Variants in LRRC37A3 observed in about 807,000 individuals in gnomAD.
LRRC37A3 encodes the protein leucine rich repeat containing 37 member A3.
A neutral mutation model predicts 106.2 loss-of-function variants in LRRC37A3; 25 were observed. The ratio of observed to expected loss-of-function variants is 0.24; its 90% CI spans 0.17 to 0.33. LRRC37A3 has a LOEUF of 0.33. LRRC37A3 is among the 10% of genes least tolerant of loss of function. LRRC37A3 has a pLI of 1.00. For missense variants in LRRC37A3, 712 were observed against 1,644.9 expected (o/e 0.43, Z 9.81); for synonymous variants, 305 against 635.8 (o/e 0.48, Z 7.83).
At chr17:64,884,003 CAAGT>C (rs1409599571) in intron 8 of LRRC37A3, among the ~76,000 whole-genome samples, 2 of 119,238 alleles carry the variant, frequency 1.7e-5, no homozygotes, top group African/African-American at 6.8e-5. Context: ...TCAAGATAAG[CAAGT>C]TAGTGTCTCT....
At chr17:64,867,205 T>G in intron 10 of LRRC37A3, among the ~76,000 whole-genome samples, 1 of 140,832 alleles carries the variant, frequency 7.1e-6, no homozygotes, top group South Asian at 2.3e-4. Flanking sequence ...TATTTCTTAC[T>G]TTTTTTTTTA....
At chr17:64,879,048 C>T (rs1598412395) in intron 8 of LRRC37A3, among the ~76,000 whole-genome samples, 1 of 151,932 alleles carries the variant, frequency 6.6e-6, no homozygotes, top group East Asian at 1.9e-4. Flanking sequence ...AAACAACATG[C>T]TTCGTGAAAA....
intron 5 of LRRC37A3, among the ~76,000 whole-genome samples, chr17:64,890,265 C>G (rs1355748159): frequency 7.2e-6 from 1 of 138,240 alleles, no homozygotes; most frequent in Non-Finnish European, 1.5e-5. Context: ...GAGACAGGGT[C>G]TCACTCTGTT....
Position 64,896,062 on chromosome 17 carries a change from T to G in LRRC37A3, c.1196A>C (p.His399Pro). Residue 399 changes from histidine to proline, a missense_variant, in exon 4 of 15, where the codon CAC becomes CCC. Coordinates refer to ENST00000584306, the MANE Select transcript of LRRC37A3 (RefSeq NM_199340.5). ...TGAAGCTAAATGATGAGTTTGATGG[T>G]GACCTGGAGGTGAAACTGTGACTTC... ...HHEVTVSPPG[H>P]HQTHHLASPS... The G allele has an allele frequency of 6.6e-7, 1 of 1,524,264 alleles. No individual in the cohort carries two copies. The highest frequency in any genetic ancestry group is 9.0e-7 in the Non-Finnish European group (1 of 1,116,920). The allele number at this position is 1,524,264 out of a possible 1,614,324, so 94.4% of individuals were successfully genotyped here. A position where few individuals can be genotyped will look rare whatever the true frequency, so the allele number is the denominator to read the frequency against.
Position 64,909,754 on chromosome 17 carries a change from A to G in LRRC37A3, c.-496+8996T>C, listed in dbSNP as rs1234913288. On this transcript the variant is annotated intron_variant, in intron 2 of 14. Coordinates refer to ENST00000584306, the MANE Select transcript of LRRC37A3 (RefSeq NM_199340.5). Reference sequence around the variant, plus strand: ...CGGAAGCTGAAGCTTAACCAAAGACATTAATGTACGCCCACAAAAGAAACT... The same window carrying G: ...CGGAAGCTGAAGCTTAACCAAAGACGTTAATGTACGCCCACAAAAGAAACT... 4.6e-5 allele frequency: 7 copies of G among 152,390 alleles called. 1 individual carries two copies. In the East Asian group the frequency reaches 1.3e-3, roughly 29 times the overall value. 9.4% of individuals were successfully genotyped at this position (152,390 alleles called of 1,614,324 possible).
intron 2 of LRRC37A3, among the ~76,000 whole-genome samples, chr17:64,916,429 T>G (rs1464119213): frequency 2.0e-5 from 3 of 151,706 alleles, no homozygotes; most frequent in African/African-American, 4.9e-5. Context: ...TAAAATAAAA[T>G]AAAAGAAGAA....
intron 13 of LRRC37A3, among the ~76,000 whole-genome samples, chr17:64,858,195 A>C (rs1195861838): frequency 6.6e-6 from 1 of 152,206 alleles, no homozygotes; most frequent in African/African-American, 2.4e-5. Context: ...GGGCTAGAGT[A>C]TGAGATGTTC....
chr17:64,901,328 C>T (rs1177908174), intron 2 of LRRC37A3: 6 of 150,928 alleles, frequency 4.0e-5, no homozygotes, highest in African/African-American at 7.5e-5. Flanking sequence ...GGTGGGGGGT[C>T]GAAGTAAGTT....
chr17:64,869,315 G>A (rs575943418), intron 8 of LRRC37A3, 149 bp from the exon 9 acceptor site: 27 of 1,351,168 alleles, frequency 2.0e-5, no homozygotes, highest in South Asian at 1.3e-4. Flanking sequence ...ATTAGACTCC[G>A]TAAAGCACTA....
chr17:64,858,963 T>A (rs1271770985), intron 12 of LRRC37A3, 80 bp from the exon 13 acceptor site: 2 of 1,006,822 alleles, frequency 2.0e-6, no homozygotes, highest in Non-Finnish European at 3.0e-6. Context: ...GGTTCTTTTT[T>A]ATTTTTTTGA....
chr17:64,869,483 C>A lies in LRRC37A3; in HGVS notation c.2907-317G>T, dbSNP rs576408775. 2.4e-3 allele frequency among the ~76,000 whole-genome samples: 362 copies of A among 151,014 alleles called. 2 individuals are homozygous for A. Among genetic ancestry groups the A allele is most frequent in the Admixed American group, 3.8e-3 (57 of 15,152 alleles). On this transcript the variant is annotated intron_variant, in intron 8 of 14. Transcript: ENST00000584306. ...CTATGTTGGTAGGAAGCCCTGACTG[C>A]GGAGGAAACAGTATTTCTAGCAACC...
intron 14 of LRRC37A3, among the ~76,000 whole-genome samples, 186 bp downstream of exon 14, chr17:64,855,654 G>A (rs890552338): frequency 1.5e-4 from 23 of 151,528 alleles, no homozygotes; most frequent in East Asian, 1.9e-4. Context: ...TTAAAACGTC[G>A]CGAGACTAGT....
chr17:64,859,306 G>A, intron 12 of LRRC37A3, 136 bp downstream of exon 12: 2 of 978,782 alleles, frequency 2.0e-6, no homozygotes, highest in Non-Finnish European at 3.1e-6. Context: ...CAAAGTGGGA[G>A]ATCACTGTCA....
At chr17:64,866,204 A>T (rs1973065328) in intron 10 of LRRC37A3, among the ~76,000 whole-genome samples, 1 of 151,802 alleles carries the variant, frequency 6.6e-6, no homozygotes, top group Non-Finnish European at 1.5e-5. Context: ...ACTATCTTAG[A>T]GAACTAAGTG....
chr17:64,912,315 T>C (rs561155905), intron 2 of LRRC37A3, among the ~76,000 whole-genome samples: 2 of 122,832 alleles, frequency 1.6e-5, no homozygotes, highest in East Asian at 2.5e-4. Flanking sequence ...TAGATACATA[T>C]CTACATACAT....
At chr17:64,917,005 G>A (rs867453252) in intron 2 of LRRC37A3, among the ~76,000 whole-genome samples, 28 of 151,686 alleles carry the variant, frequency 1.8e-4, no homozygotes, top group Middle Eastern at 3.4e-3. Flanking sequence ...CAGCACTTTG[G>A]GAGGCCGAGG....
intron 8 of LRRC37A3, among the ~76,000 whole-genome samples, chr17:64,881,353 T>C (rs1026983248): frequency 1.0e-4 from 15 of 148,556 alleles, no homozygotes; most frequent in African/African-American, 3.3e-4. Flanking sequence ...AGTCAAGTGA[T>C]TCTCCTGCCT....
chr17:64,874,193 T>C (rs1331262710), intron 8 of LRRC37A3, among the ~76,000 whole-genome samples: 5 of 152,162 alleles, frequency 3.3e-5, no homozygotes, highest in Admixed American at 2.0e-4. Context: ...AAGCCAGGAG[T>C]TGGATACCAG....
intron 1 of LRRC37A3, among the ~76,000 whole-genome samples, chr17:64,919,120 C>G (rs993107079): frequency 6.6e-6 from 1 of 151,644 alleles, no homozygotes. Context: ...CCACCTGCCC[C>G]GGCTGCTGCC....
Sources: allele counts gnomAD v4.1 joint callset (sites outside exome capture counted in the v4.1 genomes callset), GRCh38; gene constraint gnomAD v4.1.1; transcripts MANE v1.5; gene names NCBI Gene and HGNC (gene_info 2026-07-23, HGNC 2026-07-21).